BEND7: variants seen among roughly 807,000 people sequenced by gnomAD.
The protein encoded by BEND7 is BEN domain containing 7.
BEND7 carries 28 observed loss-of-function variants against 50.9 expected under a neutral mutation model. The ratio of observed to expected loss-of-function variants is 0.55; its 90% CI spans 0.41 to 0.75. The LOEUF is 0.75. Among genes scored for constraint, BEND7 ranks in the 30% least tolerant of loss-of-function variants. BEND7 has a pLI of 0.00. For missense variants in BEND7, 477 were observed against 491.3 expected (o/e 0.97, Z 0.28); for synonymous variants, 170 against 183.9 (o/e 0.92, Z 0.61).
chr10:13,523,155 A>G (rs2079192602), intron 2 of BEND7, among the ~76,000 whole-genome samples: 1 of 152,186 alleles, frequency 6.6e-6, no homozygotes, highest in Non-Finnish European at 1.5e-5. Flanking sequence ...TCTTCTATAA[A>G]GACACTGGCT....
chr10:13,466,942 T>C (rs550561245), intron 6 of BEND7, among the ~76,000 whole-genome samples: 1 of 152,196 alleles, frequency 6.6e-6, no homozygotes, highest in South Asian at 2.1e-4. Flanking sequence ...GAGGCTCAGG[T>C]CAGACCGCAA....
intron 8 of BEND7, chr10:13,446,922 A>G (rs1292275334): frequency 3.2e-6 from 1 of 315,526 alleles, no homozygotes; most frequent in Non-Finnish European, 5.9e-6. Flanking sequence ...TGATCACACA[A>G]AATTAGTGGT....
intron 6 of BEND7, among the ~76,000 whole-genome samples, chr10:13,463,039 C>T (rs2073871051): frequency 6.6e-6 from 1 of 152,224 alleles, no homozygotes; most frequent in Non-Finnish European, 1.5e-5. Flanking sequence ...CTAAACTCCA[C>T]ATCATTCCTT....
intron 2 of BEND7, among the ~76,000 whole-genome samples, chr10:13,504,155 G>T (rs2077693586): frequency 6.6e-6 from 1 of 152,188 alleles, no homozygotes; most frequent in Admixed American, 6.5e-5. Flanking sequence ...ATAATCTGGG[G>T]ACAGTGGGTG....
chr10:13,487,601 G>C (rs1349124946), intron 5 of BEND7, among the ~76,000 whole-genome samples: 1 of 151,852 alleles, frequency 6.6e-6, no homozygotes, highest in Non-Finnish European at 1.5e-5. Context: ...GATCACGCTG[G>C]TCTCGAACTC....
At chr10:13,476,986 A>C (rs1398375724) in intron 6 of BEND7, among the ~76,000 whole-genome samples, 1 of 152,254 alleles carries the variant, frequency 6.6e-6, no homozygotes, top group Non-Finnish European at 1.5e-5. Context: ...TATGTAAAAA[A>C]TACAATCTCT....
At chr10:13,443,116 T>C (rs1835583417) in intron 8 of BEND7, 1 of 152,226 alleles carries the variant, frequency 6.6e-6, no homozygotes, top group East Asian at 1.9e-4. Context: ...TGCTGGACTT[T>C]TAAAGGGTAA....
intron 7 of BEND7, among the ~76,000 whole-genome samples, chr10:13,451,372 CT>C (rs1326664188): frequency 1.5e-4 from 23 of 149,132 alleles, no homozygotes; most frequent in East Asian, 3.9e-4. Context: ...AGATTTTTTT[CT>C]TTTTTTTTGG....
rs1413970546 is a variant in BEND7 at position 13,441,170 on chromosome 10, C to T, written c.*573G>A. On this transcript the variant is annotated 3_prime_UTR_variant, in exon 9 of 9. Coordinates refer to ENST00000466271, the MANE Select transcript of BEND7 (RefSeq NM_001369863.1). ...ATTGATACCACAACACAATGTTATACACCATTTTCACAACCAGGCTTGCAT... is the reference window on the plus strand; with the variant it reads ...ATTGATACCACAACACAATGTTATATACCATTTTCACAACCAGGCTTGCAT... 2.0e-6 allele frequency: 2 copies of T among 978,764 alleles called. No homozygotes were observed. Among genetic ancestry groups the T allele is most frequent in the Non-Finnish European group, 2.4e-6 (2 of 823,996 alleles). The allele number at this position is 978,764 out of a possible 1,614,324, so 60.6% of individuals were successfully genotyped here. A position where few individuals can be genotyped will look rare whatever the true frequency, so the allele number is the denominator to read the frequency against.
intron 5 of BEND7, among the ~76,000 whole-genome samples, chr10:13,487,856 G>T (rs1465608912): frequency 1.3e-5 from 2 of 152,036 alleles, no homozygotes; most frequent in Non-Finnish European, 2.9e-5. Flanking sequence ...ACTTTGCGAG[G>T]ACGAGGCGGA....
chr10:13,518,237 G>A (rs1276620735), intron 2 of BEND7, among the ~76,000 whole-genome samples: 1 of 152,222 alleles, frequency 6.6e-6, no homozygotes, highest in Non-Finnish European at 1.5e-5. Flanking sequence ...GAAACAGAAA[G>A]AGGTGGCTTT....
intron 6 of BEND7, among the ~76,000 whole-genome samples, chr10:13,471,396 G>A (rs1316383704): frequency 1.3e-5 from 2 of 152,238 alleles, no homozygotes; most frequent in African/African-American, 2.4e-5. Flanking sequence ...TTAACACACT[G>A]TTTGGGGAAA....
downstream of BEND7, chr10:13,438,997 T>C: frequency 1.6e-6 from 1 of 636,250 alleles, no homozygotes; most frequent in Non-Finnish European, 2.7e-6. Flanking sequence ...GGTTGCATAT[T>C]CATGGAAACC....
chr10:13,523,373 C>T (rs753079772), intron 2 of BEND7, among the ~76,000 whole-genome samples: 19 of 152,220 alleles, frequency 1.2e-4, no homozygotes, highest in Non-Finnish European at 1.9e-4. Context: ...AGATACACTA[C>T]GTTCGTTAAC....
At chr10:13,449,320 T>C (rs1364950558) in intron 7 of BEND7, among the ~76,000 whole-genome samples, 1 of 152,156 alleles carries the variant, frequency 6.6e-6, no homozygotes, top group Non-Finnish European at 1.5e-5. Context: ...TCAATAATAA[T>C]AACAATGATA....
intron 2 of BEND7, among the ~76,000 whole-genome samples, chr10:13,501,771 C>T (rs763962619): frequency 1.2e-4 from 18 of 151,602 alleles, no homozygotes; most frequent in Non-Finnish European, 2.4e-4. Flanking sequence ...GCTTGAGCCC[C>T]GGAGGCAGAG....
intron 3 of BEND7, among the ~76,000 whole-genome samples, chr10:13,498,529 T>A (rs1021949529): frequency 3.3e-5 from 5 of 152,220 alleles, no homozygotes; most frequent in African/African-American, 1.2e-4. Flanking sequence ...AACTTACTGA[T>A]GTGGGGTTTA....
intron 6 of BEND7, among the ~76,000 whole-genome samples, chr10:13,456,031 T>A (rs1187805398): frequency 6.6e-6 from 1 of 151,902 alleles, no homozygotes; most frequent in Non-Finnish European, 1.5e-5. Flanking sequence ...AGGCTCAGGG[T>A]TTTGCTGGAC....
At chr10:13,447,116 T>C in intron 8 of BEND7, 150 bp downstream of exon 8, 1 of 768,058 alleles carries the variant, frequency 1.3e-6, no homozygotes, top group South Asian at 1.5e-5. Flanking sequence ...GTACGGGGCC[T>C]TGAGAAGCTC....
Sources: gnomAD v4.1 joint callset for allele counts (sites outside exome capture counted in the v4.1 genomes callset) on GRCh38, gnomAD v4.1.1 for gene constraint, MANE v1.5 for transcripts, NCBI Gene and HGNC (gene_info 2026-07-23, HGNC 2026-07-21) for gene names.